CELSR2: variants seen among roughly 807,000 people sequenced by gnomAD.
CELSR2 encodes the protein cadherin EGF LAG seven-pass G-type receptor 2.
Under a neutral mutation model 251.6 loss-of-function variants are expected in CELSR2, and 81 were observed. The observed-to-expected ratio is 0.32, with a 90% CI of 0.27 to 0.39. CELSR2 has a LOEUF of 0.39. Ranked by LOEUF, CELSR2 falls within the 10% of genes least tolerant of loss-of-function variation. The pLI is 1.00. For missense variants in CELSR2, 3,365 were observed against 3,947.7 expected (o/e 0.85, Z 3.96); for synonymous variants, 1,721 against 1,670.5 (o/e 1.03, Z -0.74).
At position 109,261,217 on chromosome 1, in the gene CELSR2, C is replaced by T. The variant is rs1656012343; in HGVS notation, c.4134C>T (p.Ile1378=). Residue 1378 remains isoleucine, a synonymous_variant, in exon 3 of 34, where the codon ATC becomes ATT. Coordinates refer to ENST00000271332, the MANE Select transcript of CELSR2 (RefSeq NM_001408.3). The surrounding 1 kb of genome is among the most constrained non-coding windows in gnomAD (Gnocchi z 4.8). ...TTRSFPAHSF[I]TFRGLRQRFH... ...GCAGCTTCCCCGCCCACTCCTTCAT[C>T]ACCTTTCGCGGCCTGCGCCAGCGTT... 1 of 1,613,928 alleles carries T rather than the reference C, an allele frequency of 6.2e-7. No individual in the cohort carries two copies. The highest frequency in any genetic ancestry group is 1.3e-5 in the African/African-American group (1 of 74,936).
chr1:109,264,179 T>G lies in CELSR2; in HGVS notation c.5103T>G (p.His1701Gln). 6.2e-7 allele frequency: 1 copy of G among 1,612,862 alleles called. No homozygotes were observed. The highest frequency in any genetic ancestry group is 8.5e-7 in the Non-Finnish European group (1 of 1,179,600). The change falls in exon 10 of 34, where the codon CAT becomes CAG. Residue 1701 changes from histidine (H) to glutamine (Q), a missense_variant. Physicochemically the swap from His to Gln is conservative, Grantham distance 24 (BLOSUM62 0). Around this residue, in one of 5 missense-constraint regions of CELSR2, gnomAD observed 2,093 missense variants for 2,382.8 expected, o/e 0.88. Coordinates refer to ENST00000271332, the MANE Select transcript of CELSR2 (RefSeq NM_001408.3). Reference protein sequence around the residue: ...PGRANDGDWHHAQLALGASGG... With the variant: ...PGRANDGDWHQAQLALGASGG... Reference sequence around the variant, plus strand: ...GGGCCAATGACGGTGACTGGCACCATGCACAGCTGGCACTGGGAGCCAGCG... The same window carrying G: ...GGGCCAATGACGGTGACTGGCACCAGGCACAGCTGGCACTGGGAGCCAGCG...
rs921883026 is a variant in CELSR2, at chr1:109,252,153, C to T, written c.2074C>T (p.Arg692Trp). The change falls in exon 1 of 34, where the codon CGG becomes TGG. Residue 692 changes from arginine (R) to tryptophan (W), a missense_variant. This residue lies in a region of CELSR2 where 505 missense variants were observed against 660.0 expected (regional missense o/e 0.77). Transcript: ENST00000271332. The surrounding 1 kb of genome is among the most constrained non-coding windows in gnomAD (Gnocchi z 4.8). ...VLAVTASDGT[R>W]QDTAQIVVNV... is the part of the protein sequence containing the mutation. The stretch of plus-strand genomic sequence containing the variant: ...GGCTGTTACCGCCTCCGATGGCACT[C>T]GGCAGGACACGGCACAGATTGTGGT... 2.3e-5 allele frequency: 37 copies of T among 1,613,850 alleles called. No homozygotes were observed. The highest frequency in any genetic ancestry group is 2.9e-5 in the Non-Finnish European group (34 of 1,180,048).
At chr1:109,266,031 G>A in intron 14 of CELSR2, 74 bp from the exon 15 acceptor site, 1 of 1,593,000 alleles carries the variant, frequency 6.3e-7, no homozygotes, top group Middle Eastern at 1.8e-4. Flanking sequence ...GGGAGGCCTA[G>A]GGAGGGCTGG....
chr1:109,253,308 G>A lies in CELSR2; in HGVS notation c.3229G>A (p.Ala1077Thr), dbSNP rs745334962. The A allele has an allele frequency of 6.2e-7, 1 of 1,613,460 alleles. No homozygotes were observed. Among genetic ancestry groups the A allele is most frequent in the Admixed American group, 1.7e-5 (1 of 60,028 alleles). Residue 1077 changes from alanine (A) to threonine (T), a missense_variant, in exon 1 of 34, where the codon GCC (alanine) becomes ACC (threonine). Physicochemically the swap from Ala to Thr is moderately conservative, Grantham distance 58. Coordinates refer to ENST00000271332, the MANE Select transcript of CELSR2 (RefSeq NM_001408.3). The part of the protein sequence containing the change: ...GNELSLVLLN[A>T]STGELKLSRA... The stretch of plus-strand genomic sequence containing the variant: ...TGAACTCAGCCTGGTCCTGCTCAAT[G>A]CCTCCACGGGTGAGCTGAAGCTAAG...
At chr1:109,259,322 C>T (rs1009677070) in intron 2 of CELSR2, among the ~76,000 whole-genome samples, 1 of 152,242 alleles carries the variant, frequency 6.6e-6, no homozygotes, top group Non-Finnish European at 1.5e-5. Context: ...GAGCTGGCTC[C>T]AGAGCCAGTC....
chr1:109,256,585 G>A (rs776673373), intron 1 of CELSR2, among the ~76,000 whole-genome samples: 3 of 152,166 alleles, frequency 2.0e-5, no homozygotes, highest in South Asian at 2.1e-4. Flanking sequence ...CTCCTGCCCC[G>A]TTACTGCTAG....
Position 109,253,208 on chromosome 1 carries a change from G to A in CELSR2, c.3129G>A (p.Gly1043=), listed in dbSNP as rs568570990. 6 of 1,613,556 alleles carry A rather than the reference G, an allele frequency of 3.7e-6. No individual in the cohort carries two copies. In the East Asian group the frequency reaches 8.9e-5, roughly 24 times the overall value. Reference sequence around the variant, plus strand: ...CCAATCGCTCAAGCAGCTTCCCTGGGGGTGCCATTGGCCGAGTACCTGCCC... The same window carrying A: ...CCAATCGCTCAAGCAGCTTCCCTGGAGGTGCCATTGGCCGAGTACCTGCCC... ...YVTNRSSSFP[G]GAIGRVPAHD... Residue 1043 remains glycine, a synonymous_variant, in exon 1 of 34, where the codon GGG becomes GGA. Coordinates refer to ENST00000271332, the MANE Select transcript of CELSR2 (RefSeq NM_001408.3).
chr1:109,272,651 C>T lies in CELSR2; in HGVS notation c.8066C>T (p.Ala2689Val), dbSNP rs977527151. Reference sequence around the variant, plus strand: ...TCTCATCTTCCTAGGGAGGAGTCCGCACTGAACCCTGGCCAAGGGCCCCCT... The same window carrying T: ...TCTCATCTTCCTAGGGAGGAGTCCGTACTGAACCCTGGCCAAGGGCCCCCT... ...YIPFLLREES[A>V]LNPGQGPPGL... The change falls in exon 30 of 34, where the codon GCA (alanine) becomes GTA (valine). Residue 2689 changes from alanine to valine, a missense_variant. By Grantham distance (64) the Ala-to-Val change is moderately conservative. Transcript: ENST00000271332. The T allele has an allele frequency of 1.2e-6, 2 of 1,613,282 alleles. No individual in the cohort carries two copies. The highest frequency in any genetic ancestry group is 2.7e-5 in the African/African-American group (2 of 74,928).
rs1655688195 is a variant in CELSR2, at chr1:109,251,535, A to G, written c.1456A>G (p.Asn486Asp). ...GGATGGTGGCCGTCCCCCACTCTCT[A>G]ATGTCTCTGGCTTGGTGACAGTACA... ...AQDGGRPPLSNVSGLVTVQVL... is the reference protein window; with the variant it reads ...AQDGGRPPLSDVSGLVTVQVL... Residue 486 changes from asparagine (N) to aspartate (D), a missense_variant, in exon 1 of 34, where the codon AAT becomes GAT. Asn to Asp is a conservative substitution (Grantham distance 23). Transcript: ENST00000271332. The surrounding 1 kb of genome is among the most constrained non-coding windows in gnomAD (Gnocchi z 4.9). 6.2e-7 allele frequency: 1 copy of G among 1,613,524 alleles called. No homozygotes were observed. The highest frequency in any genetic ancestry group is 8.5e-7 in the Non-Finnish European group (1 of 1,179,958).
Position 109,250,065 on chromosome 1 carries a change from C to G in CELSR2, c.-15C>G, listed in dbSNP as rs1374846719. ...CGCCGCCGTTGACCCGGCCGCCGGC[C>G]GGGAGCTGGGAGAGATGCGGAGCCC... On this transcript the variant is annotated 5_prime_UTR_variant, in exon 1 of 34. Transcript: ENST00000271332. This position sits in a 1 kb window ranked among gnomAD's most constrained non-coding sequence, Gnocchi z 4.4. 3.0e-6 allele frequency: 4 copies of G among 1,342,424 alleles called. No individual in the cohort carries two copies. The highest frequency in any genetic ancestry group is 1.5e-5 in the African/African-American group (1 of 65,398). 83.2% of individuals were successfully genotyped at this position (1,342,424 alleles called of 1,614,324 possible). A position where few individuals can be genotyped will look rare whatever the true frequency, so the allele number is the denominator to read the frequency against.
rs767513721 is a variant in CELSR2, at chr1:109,269,191, C to T, written c.6713C>T (p.Pro2238Leu). 2.9e-5 allele frequency: 47 copies of T among 1,612,470 alleles called. No individual in the cohort carries two copies. The highest frequency in any genetic ancestry group is 1.8e-4 in the East Asian group (8 of 44,892). The change falls in exon 20 of 34, where the codon CCG (proline) becomes CTG (leucine). Residue 2238 changes from proline to leucine, a missense_variant. Pro to Leu is a moderately conservative substitution (Grantham distance 98, BLOSUM62 -3). Around this residue, in one of 5 missense-constraint regions of CELSR2, gnomAD observed 2,093 missense variants for 2,382.8 expected, o/e 0.88. Coordinates refer to ENST00000271332, the MANE Select transcript of CELSR2 (RefSeq NM_001408.3). The surrounding 1 kb of genome is among the most constrained non-coding windows in gnomAD (Gnocchi z 6.4). The part of the protein sequence containing the change: ...EELARRQRRH[P>L]ELSQGEAVAS... Reference sequence around the variant, plus strand: ...CTGGCACGGCGACAGCGACGGCACCCGGAGCTGAGCCAGGGTGAGGCTGTG... The same window carrying T: ...CTGGCACGGCGACAGCGACGGCACCTGGAGCTGAGCCAGGGTGAGGCTGTG...
chr1:109,253,527 GC>G, intron 1 of CELSR2, 138 bp downstream of exon 1: 1 of 1,426,930 alleles, frequency 7.0e-7, no homozygotes, highest in Non-Finnish European at 9.2e-7. Flanking sequence ...AGCAGGAGGG[GC>G]AAGAGCCAGC....
At chr1:109,256,632 C>T (rs933728351) in intron 1 of CELSR2, among the ~76,000 whole-genome samples, 18 of 147,800 alleles carry the variant, frequency 1.2e-4, no homozygotes, top group African/African-American at 4.8e-4. Context: ...TTGGGCTCCC[C>T]CTGCTATGTG....
chr1:109,254,473 T>C (rs182221342), intron 1 of CELSR2, among the ~76,000 whole-genome samples: 68 of 152,054 alleles, frequency 4.5e-4, no homozygotes, highest in Admixed American at 4.2e-3. Flanking sequence ...GAGCCAGAGG[T>C]AGCAGCAGGG....
intron 12 of CELSR2, 41 bp from the exon 13 acceptor site, chr1:109,265,150 T>G: frequency 6.3e-7 from 1 of 1,575,010 alleles, no homozygotes; most frequent in Non-Finnish European, 8.6e-7. Flanking sequence ...TAGGTGGGAG[T>G]GGCAGGGGGA....
Position 109,252,898 on chromosome 1 carries a change from T to A in CELSR2, c.2819T>A (p.Val940Glu). Residue 940 changes from valine to glutamate, a missense_variant, in exon 1 of 34, where the codon GTG becomes GAG. Around this residue, in one of 5 missense-constraint regions of CELSR2, gnomAD observed 505 missense variants for 660.0 expected, o/e 0.77. Coordinates refer to ENST00000271332, the MANE Select transcript of CELSR2 (RefSeq NM_001408.3). The surrounding 1 kb of genome is among the most constrained non-coding windows in gnomAD (Gnocchi z 4.8). ...GAGAACAGCCCCATTGGGCTAGCCG[T>A]GGCCCGGGTCACAGCCACTGACCCC... ...VEENSPIGLA[V>E]ARVTATDPDE... The A allele has an allele frequency of 6.2e-7, 1 of 1,612,656 alleles. No individual in the cohort carries two copies.
chr1:109,274,137 C>G lies in CELSR2; in HGVS notation c.*88C>G. On this transcript the variant is annotated 3_prime_UTR_variant, in exon 34 of 34. Coordinates refer to ENST00000271332, the MANE Select transcript of CELSR2 (RefSeq NM_001408.3). ...CTCCTGTCTTGTGCTTTATCCTGCCCCGCTCCCCATCGCCTGCCCGCAGCA... is the reference window on the plus strand; with the variant it reads ...CTCCTGTCTTGTGCTTTATCCTGCCGCGCTCCCCATCGCCTGCCCGCAGCA... The G allele has an allele frequency of 6.2e-7, 1 of 1,609,422 alleles. No homozygotes were observed. Among genetic ancestry groups the G allele is most frequent in the Non-Finnish European group, 8.5e-7 (1 of 1,178,390 alleles).
rs776930485 is a variant in CELSR2 at position 109,269,990 on chromosome 1, G to C, written c.7165G>C (p.Ala2389Pro). The C allele has an allele frequency of 1.2e-6, 2 of 1,614,084 alleles. No individual in the cohort carries two copies. Among genetic ancestry groups the C allele is most frequent in the Non-Finnish European group, 1.7e-6 (2 of 1,180,004 alleles). ...ATACGTGGCTCTAGGTGTCACCTTGGCTGCCCTTCTGCTCACCTTCTTCTT... is the reference window on the plus strand; with the variant it reads ...ATACGTGGCTCTAGGTGTCACCTTGCCTGCCCTTCTGCTCACCTTCTTCTT... Reference protein sequence around the residue: ...LTYVALGVTLAALLLTFFFLT... With the variant: ...LTYVALGVTLPALLLTFFFLT... Residue 2389 changes from alanine (A) to proline (P), a missense_variant, in exon 23 of 34, where the codon GCT (alanine) becomes CCT (proline). Physicochemically the swap from Ala to Pro is conservative, Grantham distance 27. This residue lies in a region of CELSR2 where 2,093 missense variants were observed against 2,382.8 expected (regional missense o/e 0.88). Coordinates refer to ENST00000271332, the MANE Select transcript of CELSR2 (RefSeq NM_001408.3). The surrounding 1 kb of genome is among the most constrained non-coding windows in gnomAD (Gnocchi z 6.4).
Position 109,261,164 on chromosome 1 carries a change from G to T in CELSR2, c.4081G>T (p.Glu1361Ter). 6.2e-7 allele frequency: 1 copy of T among 1,614,142 alleles called. No homozygotes were observed. The highest frequency in any genetic ancestry group is 1.3e-5 in the African/African-American group (1 of 75,036). The change falls in exon 3 of 34, where the codon GAG becomes TAG. Residue 1361 changes from glutamate to a stop codon, truncating the protein, a stop_gained. Coordinates refer to ENST00000271332, the MANE Select transcript of CELSR2 (RefSeq NM_001408.3). LOFTEE classifies it high-confidence loss of function. The surrounding 1 kb of genome is among the most constrained non-coding windows in gnomAD (Gnocchi z 4.8). ...GTGCGATTGCCCATCTGGAGACTTC[G>T]AGAAGCCCTACTGCCAGGTGACCAC... Reference protein sequence around the residue: ...FKCDCPSGDFEKPYCQVTTRS... With the variant: ...FKCDCPSGDF
Sources: gnomAD v4.1 joint callset for allele counts (sites outside exome capture counted in the v4.1 genomes callset) on GRCh38, gnomAD v4.1.1 for gene constraint, gnomAD v4.1.1 regional missense constraint, Gnocchi (gnomAD v3.1) non-coding constraint, MANE v1.5 for transcripts, NCBI Gene and HGNC (gene_info 2026-07-23, HGNC 2026-07-21) for gene names.